Variants in ADAMTS6 observed in about 807,000 individuals in gnomAD.
ADAMTS6 encodes the protein A disintegrin and metalloproteinase with thrombospondin motifs 6.
ADAMTS6 carries 23 observed loss-of-function variants against 144.3 expected under a neutral mutation model. The ratio of observed to expected loss-of-function variants is 0.16; its 90% confidence interval spans 0.11 to 0.23. The LOEUF (loss-of-function observed/expected upper bound fraction) is 0.23, where lower values mean the gene tolerates loss of function less well. Among genes scored for constraint, ADAMTS6 ranks in the 10% least tolerant of loss-of-function variants. ADAMTS6 has a pLI of 1.00. For synonymous variants in ADAMTS6, 444 were observed against 457.5 expected (o/e 0.97, Z 0.38); for missense variants, 999 against 1,379.6 (o/e 0.72, Z 4.37).
rs1561562833 is a variant in ADAMTS6 at position 65,460,193 on chromosome 5, T to C, written c.608A>G (p.Asp203Gly). 4 of 1,614,066 alleles carry C rather than the reference T, an allele frequency of 2.5e-6. No homozygotes were observed. The South Asian group carries it at 3.3e-5, about 13-fold the overall frequency. ...ACCCGAAACCCCACAATGAGAGTGA[T>C]CATACAGATGTCGTTGTTGAAGGGC... ...KSALQQRHLY[D>G]HSHCGVSDFT... is the part of the protein sequence containing the mutation. The change falls in exon 4 of 25, where the codon GAT (aspartate) becomes GGT (glycine). Residue 203 changes from aspartate to glycine, a missense_variant. Asp to Gly is a moderately conservative substitution (Grantham distance 94). Transcript: ENST00000381055.
intron 7 of ADAMTS6, among the ~76,000 whole-genome samples, chr5:65,396,166 A>G (rs1753316558): frequency 6.6e-6 from 1 of 152,254 alleles, no homozygotes. Context: ...ATTATCTCAA[A>G]AAAAGCAAAC....
At chr5:65,204,173 A>G (rs1236323644) in intron 20 of ADAMTS6, among the ~76,000 whole-genome samples, 4 of 152,230 alleles carry the variant, frequency 2.6e-5, no homozygotes, top group Admixed American at 1.3e-4. Context: ...AAGATTATCA[A>G]AATAACTCTT....
intron 7 of ADAMTS6, among the ~76,000 whole-genome samples, chr5:65,438,378 A>T (rs1052210801): frequency 2.0e-5 from 3 of 152,174 alleles, no homozygotes; most frequent in African/African-American, 7.2e-5. Flanking sequence ...AACACAAAAA[A>T]TTAGCCAGCC....
At chr5:65,253,027 A>G (rs1237381432) in intron 14 of ADAMTS6, among the ~76,000 whole-genome samples, 64 of 151,884 alleles carry the variant, frequency 4.2e-4, no homozygotes, top group Non-Finnish European at 2.9e-5. Context: ...AGCTGGGACT[A>G]CAGGCATGCA....
At chr5:65,275,407 GAAAGAAAGAAAA>G (rs1762435930) in intron 11 of ADAMTS6, among the ~76,000 whole-genome samples, 9 of 119,992 alleles carry the variant, frequency 7.5e-5, no homozygotes, top group African/African-American at 2.6e-4. Context: ...AAGAAAGAAA[GAAAGAAAGAAAA>G]GAAAGAAAGA....
At chr5:65,474,587 G>A (rs910614679) in intron 1 of ADAMTS6, among the ~76,000 whole-genome samples, 14 of 151,900 alleles carry the variant, frequency 9.2e-5, no homozygotes, top group Admixed American at 9.2e-4. Context: ...TAACTTAAAA[G>A]AAAATTTTAA....
intron 11 of ADAMTS6, among the ~76,000 whole-genome samples, chr5:65,284,070 AT>A (rs1763184711): frequency 6.6e-6 from 1 of 152,116 alleles, no homozygotes; most frequent in African/African-American, 2.4e-5. Flanking sequence ...GGCCAGTGAT[AT>A]CCCCAAAAGA....
At chr5:65,326,428 G>A (rs1746181926) in intron 9 of ADAMTS6, among the ~76,000 whole-genome samples, 2 of 152,130 alleles carry the variant, frequency 1.3e-5, no homozygotes, top group Admixed American at 6.5e-5. Flanking sequence ...GGATGGAGAG[G>A]ATGGAGAGAA....
chr5:65,365,783 A>G (rs1750250190), intron 7 of ADAMTS6, among the ~76,000 whole-genome samples: 1 of 152,182 alleles, frequency 6.6e-6, no homozygotes, highest in South Asian at 2.1e-4. Flanking sequence ...ATTTTTATGT[A>G]AAATTAGCTC....
intron 9 of ADAMTS6, among the ~76,000 whole-genome samples, chr5:65,307,934 C>T (rs1744094902): frequency 6.6e-6 from 1 of 152,150 alleles, no homozygotes; most frequent in African/African-American, 2.4e-5. Context: ...TCGCAGCCTC[C>T]CTTGTTCTCC....
At chr5:65,159,737 G>A (rs1561231984) in intron 24 of ADAMTS6, among the ~76,000 whole-genome samples, 1 of 152,130 alleles carries the variant, frequency 6.6e-6, no homozygotes, top group Non-Finnish European at 1.5e-5. Context: ...GTTGTATTGC[G>A]TTCATAGTCT....
At chr5:65,327,042 A>T (rs1029046152) in intron 9 of ADAMTS6, among the ~76,000 whole-genome samples, 5 of 152,162 alleles carry the variant, frequency 3.3e-5, no homozygotes, top group Admixed American at 3.3e-4. Flanking sequence ...TAATGGGGGC[A>T]GATCCCTCAT....
At chr5:65,409,913 T>C (rs1428116975) in intron 7 of ADAMTS6, among the ~76,000 whole-genome samples, 3 of 152,202 alleles carry the variant, frequency 2.0e-5, no homozygotes, top group Non-Finnish European at 2.9e-5. Context: ...ATTATCTCAA[T>C]AGATGCAGAC....
intron 9 of ADAMTS6, among the ~76,000 whole-genome samples, chr5:65,324,998 G>C (rs1485061897): frequency 1.3e-5 from 2 of 152,140 alleles, no homozygotes; most frequent in East Asian, 3.8e-4. Context: ...AACACAGATG[G>C]CTCTCCAAAA....
At chr5:65,428,449 T>G (rs1292977349) in intron 7 of ADAMTS6, among the ~76,000 whole-genome samples, 1 of 152,124 alleles carries the variant, frequency 6.6e-6, no homozygotes, top group African/African-American at 2.4e-5. Context: ...ACATTCAAAC[T>G]CATGAATATA....
intron 7 of ADAMTS6, among the ~76,000 whole-genome samples, chr5:65,337,442 A>G (rs972848055): frequency 1.3e-4 from 19 of 151,486 alleles, no homozygotes; most frequent in South Asian, 2.1e-4. Context: ...CTTCTTCTTC[A>G]TGTATAAATT....
rs1424951567 is a variant in ADAMTS6 at position 65,149,663 on chromosome 5, A to C, written c.*2173T>G. ...GAAATAAGAACATGAGCTGATATTT[A>C]TGTTGGAGAAAATCAGATCTGGATT... On this transcript the variant is annotated 3_prime_UTR_variant, in exon 25 of 25. Transcript: ENST00000381055. The C allele has an allele frequency of 2.0e-5, 3 of 152,660 alleles. No individual in the cohort carries two copies. Among genetic ancestry groups the C allele is most frequent in the African/African-American group, 7.2e-5 (3 of 41,464 alleles). 9.5% of individuals were successfully genotyped at this position (152,660 alleles called of 1,614,324 possible).
intron 9 of ADAMTS6, among the ~76,000 whole-genome samples, chr5:65,312,250 T>C (rs746188243): frequency 6.6e-6 from 1 of 151,972 alleles, no homozygotes; most frequent in Middle Eastern, 3.4e-3. Context: ...AAAGTTAAGC[T>C]TTCCCATTGG....
chr5:65,438,577 C>G (rs1219860646), intron 7 of ADAMTS6, among the ~76,000 whole-genome samples: 1 of 152,038 alleles, frequency 6.6e-6, no homozygotes, highest in Non-Finnish European at 1.5e-5. Context: ...TACATCGTAC[C>G]TATATATTTT....
Sources: gnomAD v4.1 joint callset for allele counts (sites outside exome capture counted in the v4.1 genomes callset) on GRCh38, gnomAD v4.1.1 for gene constraint, MANE v1.5 for transcripts, NCBI Gene and HGNC (gene_info 2026-07-23, HGNC 2026-07-21) for gene names.